NRXN3: variants seen among roughly 807,000 people sequenced by gnomAD.
The protein encoded by NRXN3 is neurexin 3, also known as neurexin III.
A neutral mutation model predicts 137.6 loss-of-function variants in NRXN3; 32 were observed. The ratio of observed to expected loss-of-function variants is 0.23; its 90% CI spans 0.18 to 0.31. NRXN3 has a LOEUF of 0.31. Among genes scored for constraint, NRXN3 ranks in the 10% least tolerant of loss-of-function variants. NRXN3 has a pLI of 1.00. For synonymous variants in NRXN3, 798 were observed against 784.5 expected, an observed-to-expected ratio of 1.02 and a Z score of -0.29; for missense variants, 1,574 against 2,062.5, an observed-to-expected ratio of 0.76 and a Z score of 4.59.
intron 1 of NRXN3, among the ~76,000 whole-genome samples, chr14:78,225,357 T>A (rs547658276): frequency 1.3e-5 from 2 of 152,336 alleles, no homozygotes; most frequent in East Asian, 3.9e-4. Context: ...TCAGGGACGG[T>A]GAGCATTTTT....
chr14:79,284,378 ATATATATG>A (rs1227866090), intron 15 of NRXN3, among the ~76,000 whole-genome samples: 9 of 122,984 alleles, frequency 7.3e-5, no homozygotes, highest in Non-Finnish European at 1.3e-4. Context: ...ATATATATAT[ATATATATG>A]TATCTCCAAT....
At chr14:79,271,498 T>G (rs1232711938) in intron 15 of NRXN3, among the ~76,000 whole-genome samples, 1 of 113,920 alleles carries the variant, frequency 8.8e-6, no homozygotes, top group Admixed American at 1.0e-4. Flanking sequence ...TCCTGTCTCC[T>G]TTTTTCCCCT....
At chr14:78,927,661 G>A (rs1391230588) in intron 10 of NRXN3, among the ~76,000 whole-genome samples, 1 of 152,054 alleles carries the variant, frequency 6.6e-6, no homozygotes, top group African/African-American at 2.4e-5. Context: ...TAAGCTTTTT[G>A]TGCCTCATCT....
intron 19 of NRXN3, among the ~76,000 whole-genome samples, chr14:79,803,221 A>C (rs2099188764): frequency 6.6e-6 from 1 of 152,122 alleles, no homozygotes; most frequent in Admixed American, 6.6e-5. Context: ...TGTGTCCAGT[A>C]ATTCCATACC....
intron 4 of NRXN3, among the ~76,000 whole-genome samples, chr14:78,532,260 C>A (rs892650137): frequency 4.0e-5 from 6 of 150,740 alleles, no homozygotes; most frequent in African/African-American, 1.5e-4. Flanking sequence ...GGCGGAAGTT[C>A]TGGTGAGCCA....
At chr14:78,770,047 T>C (rs1476526054) in intron 8 of NRXN3, among the ~76,000 whole-genome samples, 1 of 152,190 alleles carries the variant, frequency 6.6e-6, no homozygotes, top group Non-Finnish European at 1.5e-5. Context: ...TGTGTGTGCG[T>C]GTTGCCAAGG....
intron 4 of NRXN3, among the ~76,000 whole-genome samples, chr14:78,448,844 C>T (rs1598807119): frequency 6.6e-6 from 1 of 152,068 alleles, no homozygotes; most frequent in African/African-American, 2.4e-5. Context: ...TGAAACTGAC[C>T]CCAGTCTTCA....
At chr14:78,669,100 A>G (rs997689936) in intron 6 of NRXN3, among the ~76,000 whole-genome samples, 4 of 152,148 alleles carry the variant, frequency 2.6e-5, no homozygotes, top group African/African-American at 4.8e-5. Flanking sequence ...CCTGAAAGAG[A>G]AAGAACATGA....
At chr14:79,331,830 A>G (rs995893557) in intron 15 of NRXN3, among the ~76,000 whole-genome samples, 2 of 139,052 alleles carry the variant, frequency 1.4e-5, no homozygotes, top group Admixed American at 7.7e-5. Flanking sequence ...AGTTTTAATT[A>G]AGGCTTTTGC....
intron 15 of NRXN3, among the ~76,000 whole-genome samples, chr14:79,364,980 A>G (rs571566549): frequency 7.6e-4 from 116 of 152,258 alleles, no homozygotes; most frequent in African/African-American, 2.6e-3. Context: ...TTGACCTGCA[A>G]TATTAGGTAT....
chr14:78,803,274 C>A (rs1465733796), intron 8 of NRXN3, among the ~76,000 whole-genome samples: 1 of 152,174 alleles, frequency 6.6e-6, no homozygotes, highest in Admixed American at 6.5e-5. Context: ...TTATCTATCG[C>A]ATACAGAATT....
At chr14:78,709,834 A>G in intron 7 of NRXN3, 179 bp downstream of exon 7, 2 of 609,582 alleles carry the variant, frequency 3.3e-6, no homozygotes, top group Non-Finnish European at 5.7e-6. Context: ...TAGATGGCTC[A>G]CATTCTCCGC....
chr14:78,927,151 A>AGAAAG lies in NRXN3; in HGVS notation c.2276-30091_2276-30090insGAAAG, dbSNP rs1567726512. The stretch of plus-strand genomic sequence containing the variant: ...GCCTAAGTGTTGGAGTGAGACCCTC[A>AGAAAG]AAAAAAAAAAAAAAGTTTTTTTCAG... On this transcript the variant is annotated intron_variant, in intron 10 of 20. Coordinates refer to ENST00000335750, the MANE Select transcript of NRXN3 (RefSeq NM_001330195.2). Among the ~76,000 whole-genome samples the AGAAAG allele has an allele frequency of 1.8e-4, 10 of 54,712 alleles. No individual in the cohort carries two copies. The East Asian group carries it at 8.3e-3, about 45-fold the overall frequency. 35.9% of individuals were successfully genotyped at this position (54,712 alleles called of 152,430 possible).
intron 4 of NRXN3, 47 bp from the exon 5 acceptor site, chr14:78,645,073 T>G (rs1335298295): frequency 1.4e-6 from 2 of 1,477,606 alleles, no homozygotes; most frequent in African/African-American, 2.8e-5. Flanking sequence ...TAGGTCTGAC[T>G]CTTGCCAGAC....
chr14:78,425,982 C>T (rs368409127), intron 4 of NRXN3, among the ~76,000 whole-genome samples: 3 of 152,200 alleles, frequency 2.0e-5, no homozygotes, highest in African/African-American at 7.2e-5. Context: ...GTGGCACTTC[C>T]TGTGCAGTTC....
At chr14:78,526,818 A>C in intron 4 of NRXN3, 1 of 509,952 alleles carries the variant, frequency 2.0e-6, no homozygotes, top group South Asian at 1.5e-5. Context: ...AGTCTGTGGA[A>C]GAAAGGGGAT....
chr14:78,829,244 C>A (rs896561922), intron 10 of NRXN3, among the ~76,000 whole-genome samples: 1 of 152,138 alleles, frequency 6.6e-6, no homozygotes, highest in African/African-American at 2.4e-5. Flanking sequence ...TGTTCTTAGT[C>A]ACTTGTGGAG....
At chr14:79,567,710 A>G (rs1431827579) in intron 16 of NRXN3, among the ~76,000 whole-genome samples, 1 of 152,110 alleles carries the variant, frequency 6.6e-6, no homozygotes. Flanking sequence ...TTTGTTCTAA[A>G]TATGTCTATA....
chr14:79,237,332 A>G (rs1353573803), intron 15 of NRXN3, among the ~76,000 whole-genome samples: 1 of 152,184 alleles, frequency 6.6e-6, no homozygotes, highest in Non-Finnish European at 1.5e-5. Flanking sequence ...GATTAAAATG[A>G]GCAGATTTGG....
Sources: gnomAD v4.1 joint callset for allele counts (sites outside exome capture counted in the v4.1 genomes callset) on GRCh38, gnomAD v4.1.1 for gene constraint, MANE v1.5 for transcripts, NCBI Gene and HGNC (gene_info 2026-07-23, HGNC 2026-07-21) for gene names.